Variants in ROR2 observed in about 807,000 individuals in gnomAD.
The protein encoded by ROR2 is ROR family WNT receptor 2.
Under a neutral mutation model 74.9 loss-of-function variants are expected in ROR2, and 33 were observed. The ratio of observed to expected loss-of-function variants is 0.44; its 90% confidence interval spans 0.33 to 0.59. The LOEUF (loss-of-function observed/expected upper bound fraction) is 0.59, where lower values mean the gene tolerates loss of function less well. ROR2 is among the 20% of genes least tolerant of loss of function. ROR2 has a pLI of 0.02. For missense variants in ROR2, 1,216 were observed against 1,313.8 expected (o/e 0.93, Z 1.15); for synonymous variants, 586 against 558.7 (o/e 1.05, Z -0.69).
At chr9:91,816,895 T>C (rs999446740) in intron 1 of ROR2, among the ~76,000 whole-genome samples, 10 of 152,046 alleles carry the variant, frequency 6.6e-5, no homozygotes, top group Admixed American at 2.6e-4. Flanking sequence ...AAGATAACCA[T>C]CCCACAGCAA....
In ROR2 at chr9:91,949,910, G is replaced by A; in HGVS notation, c.54C>T (p.Val18=). Residue 18 remains valine, a synonymous_variant, in exon 1 of 9, where the codon GTC becomes GTT. Coordinates refer to ENST00000375708, the MANE Select transcript of ROR2 (RefSeq NM_004560.4). ...PRRPLLCIPA[V]WAAAALLLSV... ...AGAGCAGAAGCGCGGCGGCCGCCCA[G>A]ACGGCCGGGATGCACAGCAGCGGCC... is the stretch of plus-strand genomic sequence containing the variant. 1 of 1,539,662 alleles carries A rather than the reference G, an allele frequency of 6.5e-7. No individual in the cohort carries two copies.
chr9:91,849,359 A>C lies in ROR2; in HGVS notation c.98-73541T>G, dbSNP rs1159781776. On this transcript the variant is annotated intron_variant, in intron 1 of 8. Transcript: ENST00000375708. ...AGAAATAAACTGCCACATGGAAAAT[A>C]TCTTGACTGGCGAAAACGCAATCTC... 2.6e-5 allele frequency among the ~76,000 whole-genome samples: 4 copies of C among 152,248 alleles called. 1 individual carries two copies. The East Asian group carries it at 7.7e-4, about 29-fold the overall frequency.
At chr9:91,770,262 G>A (rs187228931) in intron 2 of ROR2, among the ~76,000 whole-genome samples, 1 of 152,324 alleles carries the variant, frequency 6.6e-6, no homozygotes, top group South Asian at 2.1e-4. Context: ...CGTCACCTCT[G>A]TGTTCAATCT....
chr9:91,811,242 G>C (rs1827742090), intron 1 of ROR2, among the ~76,000 whole-genome samples: 2 of 152,216 alleles, frequency 1.3e-5, no homozygotes, highest in African/African-American at 4.8e-5. Context: ...GCAAAGGTGG[G>C]AAAAGCTGTC....
chr9:91,852,274 A>C (rs1486411196), intron 1 of ROR2, among the ~76,000 whole-genome samples: 1 of 152,232 alleles, frequency 6.6e-6, no homozygotes, highest in Non-Finnish European at 1.5e-5. Context: ...CAACTGAACC[A>C]ACCACAACTA....
At chr9:91,782,978 C>T (rs1482016481) in intron 1 of ROR2, among the ~76,000 whole-genome samples, 3 of 152,328 alleles carry the variant, frequency 2.0e-5, no homozygotes, top group African/African-American at 7.2e-5. Flanking sequence ...CGCCTTGTCT[C>T]AGTTCAGGAG....
intron 1 of ROR2, among the ~76,000 whole-genome samples, chr9:91,923,096 G>T (rs1831314106): frequency 6.6e-6 from 1 of 152,144 alleles, no homozygotes; most frequent in Admixed American, 6.5e-5. Flanking sequence ...GGAATTCAGT[G>T]ATCACCTGGA....
chr9:91,772,324 G>A (rs547700252), intron 2 of ROR2, among the ~76,000 whole-genome samples: 4 of 152,320 alleles, frequency 2.6e-5, no homozygotes, highest in African/African-American at 9.6e-5. Flanking sequence ...AACAAATGGC[G>A]CCAGCATCAG....
chr9:91,730,452 A>G (rs1181399507), intron 7 of ROR2, among the ~76,000 whole-genome samples: 1 of 151,994 alleles, frequency 6.6e-6, no homozygotes. Context: ...ACAACCAATA[A>G]CTTGCGTTAT....
At position 91,791,372 on chromosome 9, in the gene ROR2, T is replaced by C. The variant is rs145505681; in HGVS notation, c.98-15554A>G. Among the ~76,000 whole-genome samples, 705 of 152,340 alleles carry C rather than the reference T, an allele frequency of 4.6e-3. 7 individuals are homozygous for C. Among genetic ancestry groups the C allele is most frequent in the African/African-American group, 0.016 (658 of 41,574 alleles). ...GAGGGGTATAGTAGGCTAAACCTTCTAGGTTTGTGTAAATACACTCTATGA... is the reference window on the plus strand; with the variant it reads ...GAGGGGTATAGTAGGCTAAACCTTCCAGGTTTGTGTAAATACACTCTATGA... On this transcript the variant is annotated intron_variant, in intron 1 of 8. Transcript: ENST00000375708.
At chr9:91,785,353 G>C (rs1315742860) in intron 1 of ROR2, among the ~76,000 whole-genome samples, 3 of 152,192 alleles carry the variant, frequency 2.0e-5, no homozygotes, top group Non-Finnish European at 4.4e-5. Context: ...ACAACCTGAA[G>C]CCTACTTAGC....
intron 7 of ROR2, among the ~76,000 whole-genome samples, chr9:91,727,148 C>T (rs1837068796): frequency 6.6e-6 from 1 of 152,188 alleles, no homozygotes; most frequent in Non-Finnish European, 1.5e-5. Flanking sequence ...TCACTGGAGA[C>T]CCTTGTCCAA....
At chr9:91,813,229 G>A (rs904981679) in intron 1 of ROR2, among the ~76,000 whole-genome samples, 9 of 152,086 alleles carry the variant, frequency 5.9e-5, no homozygotes, top group Non-Finnish European at 1.3e-4. Flanking sequence ...ACACATAAAC[G>A]AAATGTCGAC....
chr9:91,884,339 G>A (rs892559418), intron 1 of ROR2, among the ~76,000 whole-genome samples: 2 of 152,068 alleles, frequency 1.3e-5, no homozygotes, highest in African/African-American at 2.4e-5. Flanking sequence ...AGGGATGTGT[G>A]TTGGTGGGTA....
intron 1 of ROR2, among the ~76,000 whole-genome samples, chr9:91,786,894 G>A (rs935994831): frequency 2.6e-5 from 4 of 152,154 alleles, no homozygotes; most frequent in East Asian, 1.9e-4. Flanking sequence ...GAGGAGCTAC[G>A]GAACTTCAAA....
chr9:91,895,842 T>C (rs905822565), intron 1 of ROR2, among the ~76,000 whole-genome samples: 2 of 152,076 alleles, frequency 1.3e-5, no homozygotes, highest in African/African-American at 2.4e-5. Flanking sequence ...AGACTCTGTC[T>C]CAAAAAAGAA....
intron 1 of ROR2, among the ~76,000 whole-genome samples, chr9:91,852,019 T>G (rs1183908361): frequency 6.6e-6 from 1 of 151,942 alleles, no homozygotes; most frequent in African/African-American, 2.4e-5. Flanking sequence ...CCAGTTAGTC[T>G]AATCTTCTTT....
rs1017666249 is a variant in ROR2, at chr9:91,743,398, G to A, written c.495-5880C>T. On this transcript the variant is annotated intron_variant, in intron 4 of 8. Coordinates refer to ENST00000375708, the MANE Select transcript of ROR2 (RefSeq NM_004560.4). The stretch of plus-strand genomic sequence containing the variant: ...ACCAGCCTGGCCAACATTGTGAAAC[G>A]CCATCTCTACTAAAAATACAAAATT... Among the ~76,000 whole-genome samples, 9 of 151,938 alleles carry A rather than the reference G, an allele frequency of 5.9e-5. No homozygotes were observed. In the South Asian group the frequency reaches 8.3e-4, roughly 14 times the overall value.
intron 1 of ROR2, among the ~76,000 whole-genome samples, chr9:91,897,538 C>G (rs1468764201): frequency 6.6e-6 from 1 of 150,912 alleles, no homozygotes; most frequent in Non-Finnish European, 1.5e-5. Context: ...GGGTGATGCT[C>G]TGACCAAAGA....
Sources: gnomAD v4.1 joint callset for allele counts (sites outside exome capture counted in the v4.1 genomes callset) on GRCh38, gnomAD v4.1.1 for gene constraint, MANE v1.5 for transcripts, NCBI Gene and HGNC (gene_info 2026-07-23, HGNC 2026-07-21) for gene names.